SYT6: variants seen among roughly 807,000 people sequenced by gnomAD.
The protein encoded by SYT6 is synaptotagmin 6, also known as synaptotagmin-6.
In SYT6, 24 loss-of-function variants were observed where a neutral mutation model predicts 38.4. The ratio of observed to expected loss-of-function variants is 0.62; its 90% CI spans 0.45 to 0.88. The LOEUF is 0.88. SYT6 is among the 40% of genes least tolerant of loss of function. The probability of loss-of-function intolerance (pLI) is 0.00; values close to 1 mark genes in which losing one functional copy is unlikely to be tolerated. For synonymous variants in SYT6, 265 were observed against 241.9 expected (o/e 1.10, Z -0.89); for missense variants, 611 against 621.0 (o/e 0.98, Z 0.17).
Position 114,134,627 on chromosome 1 carries a change from AAGGTGGATTGGTTTGCACCAGGCAGAG to A in SYT6, c.1071+2841_1071+2867del, listed in dbSNP as rs1393512488. On this transcript the variant is annotated intron_variant, in intron 3 of 7. Transcript: ENST00000610222. ...GAGGATGACGGCAGGTAGGCTCTGAAAGGTGGATTGGTTTGCACCAGGCAGAGAGGTGGGAACAGATCTGCCTGACAT... is the reference window on the plus strand; with the variant it reads ...GAGGATGACGGCAGGTAGGCTCTGAAAGGTGGGAACAGATCTGCCTGACAT... Among the ~76,000 whole-genome samples, 14 of 152,304 alleles carry A rather than the reference AAGGTGGATTGGTTTGCACCAGGCAGAG, an allele frequency of 9.2e-5. No homozygotes were observed. The East Asian group carries it at 2.7e-3, about 29-fold the overall frequency.
rs1318008953 is a variant in SYT6, at chr1:114,090,767, T to G, written c.*1367A>C. 1.3e-5 allele frequency: 2 copies of G among 152,394 alleles called. No homozygotes were observed. Among genetic ancestry groups the G allele is most frequent in the African/African-American group, 4.8e-5 (2 of 41,456 alleles). 9.4% of individuals were successfully genotyped at this position (152,394 alleles called of 1,614,324 possible). Reference sequence around the variant, plus strand: ...CTGAGATTGAGCAAATCAACCTGGTTTTAGGGGTTGGTGGGAAGACCACTA... The same window carrying G: ...CTGAGATTGAGCAAATCAACCTGGTGTTAGGGGTTGGTGGGAAGACCACTA... On this transcript the variant is annotated 3_prime_UTR_variant, in exon 8 of 8. Transcript: ENST00000610222.
chr1:114,128,585 G>T (rs1322948288), intron 3 of SYT6, among the ~76,000 whole-genome samples: 1 of 152,154 alleles, frequency 6.6e-6, no homozygotes, highest in Non-Finnish European at 1.5e-5. Context: ...CCCCACTCGG[G>T]TTCCACCAAA....
At chr1:114,129,077 A>G (rs997087326) in intron 3 of SYT6, among the ~76,000 whole-genome samples, 1 of 152,128 alleles carries the variant, frequency 6.6e-6, no homozygotes, top group African/African-American at 2.4e-5. Flanking sequence ...CTTCCTCCCC[A>G]TATGGGTTCT....
rs371783276 is a variant in SYT6, at chr1:114,139,670, T to A, written c.457A>T (p.Ile153Phe). ...AEVQMSVKEH[I>F]MRHTRLQRQT... is the part of the protein sequence containing the mutation. ...CGCTGCAGCCGGGTGTGACGCATGA[T>A]GTGCTCCTTGACCGACATCTGCACC... is the stretch of plus-strand genomic sequence containing the variant. The change falls in exon 2 of 8, where the codon ATC becomes TTC. Residue 153 changes from isoleucine (I) to phenylalanine (F), a missense_variant. Transcript: ENST00000610222. The A allele has an allele frequency of 9.6e-5, 155 of 1,613,828 alleles. No individual in the cohort carries two copies. Among genetic ancestry groups the A allele is most frequent in the Middle Eastern group, 3.3e-4 (2 of 6,084 alleles).
intron 7 of SYT6, 111 bp from the exon 8 acceptor site, chr1:114,092,193 G>A: frequency 1.9e-6 from 2 of 1,068,000 alleles, no homozygotes; most frequent in East Asian, 2.7e-5. Flanking sequence ...CTTCTCATAA[G>A]CTTTCTTGAA....
At chr1:114,110,458 AG>A (rs1417558498) in intron 3 of SYT6, among the ~76,000 whole-genome samples, 1 of 152,144 alleles carries the variant, frequency 6.6e-6, no homozygotes, top group Non-Finnish European at 1.5e-5. Context: ...CAAGAATGGA[AG>A]GAGAGCTCTC....
intron 3 of SYT6, among the ~76,000 whole-genome samples, chr1:114,120,794 C>A (rs555457034): frequency 1.3e-5 from 2 of 152,298 alleles, no homozygotes; most frequent in South Asian, 2.1e-4. Flanking sequence ...TTATTAGTAA[C>A]AAGATGGGGT....
rs902035202 is a variant in SYT6, at chr1:114,153,833, C to T, written c.-61G>A. ...AACCCGCGCCCCGGCCGCACTGGGG[C>T]GGGGCACGACGGCCCCAAGAAGACC... On this transcript the variant is annotated 5_prime_UTR_variant, in exon 1 of 8. Transcript: ENST00000610222. The T allele has an allele frequency of 1.6e-5, 9 of 573,672 alleles. No homozygotes were observed. The highest frequency in any genetic ancestry group is 2.7e-5 in the Non-Finnish European group (9 of 331,484). The allele number at this position is 573,672 out of a possible 1,614,324, so 35.5% of individuals were successfully genotyped here.
intron 3 of SYT6, among the ~76,000 whole-genome samples, chr1:114,114,554 C>G (rs938436426): frequency 1.3e-5 from 2 of 152,252 alleles, no homozygotes; most frequent in Admixed American, 1.3e-4. Context: ...TGTTCCTCAG[C>G]GGGTGGGCTG....
chr1:114,100,039 A>G (rs530715015), intron 4 of SYT6, among the ~76,000 whole-genome samples: 18 of 152,158 alleles, frequency 1.2e-4, no homozygotes, highest in African/African-American at 4.1e-4. Flanking sequence ...TCCTGCAAAG[A>G]GATGCTTTTA....
chr1:114,109,745 T>C (rs535854154), intron 3 of SYT6, among the ~76,000 whole-genome samples: 1 of 152,126 alleles, frequency 6.6e-6, no homozygotes, highest in East Asian at 1.9e-4. Context: ...GTCGGTGCAG[T>C]AATAGAGGTG....
intron 6 of SYT6, among the ~76,000 whole-genome samples, chr1:114,095,401 C>T (rs1418030997): frequency 6.6e-6 from 1 of 152,218 alleles, no homozygotes; most frequent in East Asian, 1.9e-4. Context: ...CAAGTCCTGG[C>T]CCATCTGTGG....
chr1:114,101,859 G>A (rs959811144), intron 4 of SYT6, among the ~76,000 whole-genome samples: 1 of 152,144 alleles, frequency 6.6e-6, no homozygotes, highest in Non-Finnish European at 1.5e-5. Context: ...TTTATCCACT[G>A]TTCCAGATAC....
chr1:114,152,745 G>A (rs1014889033), intron 1 of SYT6: 1 of 152,130 alleles, frequency 6.6e-6, no homozygotes, highest in Non-Finnish European at 1.5e-5. Context: ...CAGCCCGGCG[G>A]GGATCGGGCT....
chr1:114,148,202 C>T (rs1679254973), intron 1 of SYT6, among the ~76,000 whole-genome samples: 1 of 152,194 alleles, frequency 6.6e-6, no homozygotes, highest in African/African-American at 2.4e-5. Flanking sequence ...CCAAAGACAG[C>T]CCTAGTGCCC....
chr1:114,128,260 C>G (rs1039409056), intron 3 of SYT6, among the ~76,000 whole-genome samples: 1 of 152,186 alleles, frequency 6.6e-6, no homozygotes, highest in African/African-American at 2.4e-5. Flanking sequence ...CTGGCTTGGA[C>G]CTGCATGCGG....
intron 1 of SYT6, among the ~76,000 whole-genome samples, chr1:114,147,655 G>C (rs1202032239): frequency 6.6e-6 from 1 of 152,230 alleles, no homozygotes; most frequent in African/African-American, 2.4e-5. Flanking sequence ...GGCAGTGCCA[G>C]AATGACCGAC....
intron 3 of SYT6, among the ~76,000 whole-genome samples, chr1:114,133,244 G>A (rs536935320): frequency 6.6e-6 from 1 of 152,190 alleles, no homozygotes; most frequent in African/African-American, 2.4e-5. Context: ...GCAGGAAGAT[G>A]GCCGAATCCA....
At chr1:114,113,782 C>T (rs549805194) in intron 3 of SYT6, among the ~76,000 whole-genome samples, 2 of 152,160 alleles carry the variant, frequency 1.3e-5, no homozygotes, top group Non-Finnish European at 2.9e-5. Context: ...CTTGCTCTCC[C>T]GCCCCATTCT....
Sources: allele counts gnomAD v4.1 joint callset (sites outside exome capture counted in the v4.1 genomes callset), GRCh38; gene constraint gnomAD v4.1.1; transcripts MANE v1.5; gene names NCBI Gene and HGNC (gene_info 2026-07-23, HGNC 2026-07-21).